The following VTA1 variants were observed in gnomAD, a reference collection of about 807,000 sequenced individuals.
VTA1 encodes vesicle trafficking 1.
In VTA1, 24 loss-of-function variants were observed where a neutral mutation model predicts 36.9. The observed-to-expected ratio is 0.65, with a 90% confidence interval of 0.47 to 0.91. The LOEUF (loss-of-function observed/expected upper bound fraction) is 0.91. Among genes scored for constraint, VTA1 ranks in the 40% least tolerant of loss-of-function variants. VTA1 has a pLI of 0.00. For missense variants in VTA1, 393 were observed against 377.2 expected, an observed-to-expected ratio of 1.04 and a Z score of -0.35; for synonymous variants, 142 against 130.2, an observed-to-expected ratio of 1.09 and a Z score of -0.62.
intron 7 of VTA1, among the ~76,000 whole-genome samples, chr6:142,210,435 GATC>G (rs2114685125): frequency 6.6e-6 from 1 of 152,228 alleles, no homozygotes; most frequent in African/African-American, 2.4e-5. Context: ...AATGGGATTA[GATC>G]CAGCTAAAAT....
chr6:142,198,776 T>C, intron 6 of VTA1, 161 bp downstream of exon 6: 1 of 627,670 alleles, frequency 1.6e-6, no homozygotes, highest in Non-Finnish European at 2.5e-6. Flanking sequence ...TTCATTAAAA[T>C]TTTAATATTA....
chr6:142,164,339 G>T (rs1055913123), intron 1 of VTA1, among the ~76,000 whole-genome samples: 1 of 151,966 alleles, frequency 6.6e-6, no homozygotes, highest in African/African-American at 2.4e-5. Flanking sequence ...AGTGCACTAC[G>T]CTGGTAGTGC....
Position 142,224,016 on chromosome 6 carries a change from C to CTTCAGAA in VTA1, c.*5378_*5384dup, listed in dbSNP as rs1344273520. ...AATGTGTTATGACTAAATTGTATCC[C>CTTCAGAA]TTCAGAATTCATATTTTGAAGCACT... On this transcript the variant is annotated 3_prime_UTR_variant, in exon 8 of 8. Transcript: ENST00000367630. 6.6e-6 allele frequency: 1 copy of CTTCAGAA among 152,160 alleles called. No individual in the cohort carries two copies. The highest frequency in any genetic ancestry group is 2.4e-5 in the African/African-American group (1 of 41,438). 9.4% of individuals were successfully genotyped at this position (152,160 alleles called of 1,614,324 possible).
At chr6:142,169,512 G>A in intron 2 of VTA1, 38 bp from the exon 3 acceptor site, 1 of 1,590,258 alleles carries the variant, frequency 6.3e-7, no homozygotes, top group Non-Finnish European at 8.5e-7. Flanking sequence ...ACTTCTGAGA[G>A]TCCAAAATCA....
intron 5 of VTA1, among the ~76,000 whole-genome samples, chr6:142,193,018 C>CA (rs1775482994): frequency 6.6e-6 from 1 of 152,006 alleles, no homozygotes; most frequent in Non-Finnish European, 1.5e-5. Flanking sequence ...GCAGTTGACT[C>CA]AGTAATACCC....
At chr6:142,204,118 T>A (rs1250339931) in intron 7 of VTA1, 53 bp downstream of exon 7, 1 of 1,521,654 alleles carries the variant, frequency 6.6e-7, no homozygotes, top group Admixed American at 1.7e-5. Flanking sequence ...TTTGGGTTGC[T>A]GTTTTGTAAT....
rs780000313 is a variant in VTA1, at chr6:142,186,728, G to T, written c.412-2698G>T. Among the ~76,000 whole-genome samples, 30 of 152,016 alleles carry T rather than the reference G, an allele frequency of 2.0e-4. 1 individual carries two copies. Among genetic ancestry groups the T allele is most frequent in the Admixed American group, 1.9e-3 (29 of 15,266 alleles). Reference sequence around the variant, plus strand: ...TCCAAGTGGTGATGTCACATAGTCGGGTATTTGTCAAAGCAGATTCTGGCT... The same window carrying T: ...TCCAAGTGGTGATGTCACATAGTCGTGTATTTGTCAAAGCAGATTCTGGCT... On this transcript the variant is annotated intron_variant, in intron 4 of 7. Coordinates refer to ENST00000367630, the MANE Select transcript of VTA1 (RefSeq NM_016485.5).
At chr6:142,196,924 C>G (rs17071523) in intron 5 of VTA1, among the ~76,000 whole-genome samples, 2,007 of 152,136 alleles carry the variant, frequency 0.013, 53 homozygotes, top group African/African-American at 0.046. Flanking sequence ...CCAGGGCCCC[C>G]TAGAGTCTTA....
chr6:142,172,518 A>G (rs1775047074), intron 4 of VTA1, among the ~76,000 whole-genome samples: 1 of 152,218 alleles, frequency 6.6e-6, no homozygotes, highest in Non-Finnish European at 1.5e-5. Context: ...ATACAGAGTC[A>G]TATAAAGGAG....
intron 4 of VTA1, among the ~76,000 whole-genome samples, chr6:142,182,711 C>G (rs759645969): frequency 6.6e-6 from 1 of 152,066 alleles, no homozygotes; most frequent in Non-Finnish European, 1.5e-5. Flanking sequence ...TGGTTTTGAA[C>G]TTGGAGGAGC....
intron 1 of VTA1, among the ~76,000 whole-genome samples, chr6:142,158,592 C>G (rs1490239174): frequency 1.3e-5 from 2 of 152,102 alleles, no homozygotes; most frequent in African/African-American, 2.4e-5. Flanking sequence ...TTATAACAAC[C>G]TCTACCTTTT....
rs1280416861 is a variant in VTA1, at chr6:142,223,715, A to T, written c.*5072A>T. ...AAATATTAATATGTATTGAGCATCT[A>T]CCATCAAATATTTAATATGATAATG... On this transcript the variant is annotated 3_prime_UTR_variant, in exon 8 of 8. Coordinates refer to ENST00000367630, the MANE Select transcript of VTA1 (RefSeq NM_016485.5). The T allele has an allele frequency of 3.9e-5, 6 of 152,148 alleles. No individual in the cohort carries two copies. The highest frequency in any genetic ancestry group is 7.3e-5 in the Non-Finnish European group (5 of 68,040). The allele number at this position is 152,148 out of a possible 1,614,324, so 9.4% of individuals were successfully genotyped here. A position where few individuals can be genotyped will look rare whatever the true frequency, so the allele number is the denominator to read the frequency against.
At chr6:142,204,874 G>A (rs1188805082) in intron 7 of VTA1, among the ~76,000 whole-genome samples, 8 of 150,266 alleles carry the variant, frequency 5.3e-5, no homozygotes, top group Non-Finnish European at 1.0e-4. Flanking sequence ...ACAGGTGTGC[G>A]CCACCACACC....
rs1776088960 is a variant in VTA1 at position 142,220,512 on chromosome 6, A to G, written c.*1869A>G. The G allele has an allele frequency of 6.6e-6, 1 of 152,218 alleles. No homozygotes were observed. Among genetic ancestry groups the G allele is most frequent in the Non-Finnish European group, 1.5e-5 (1 of 68,054 alleles). 9.4% of individuals were successfully genotyped at this position (152,218 alleles called of 1,614,324 possible). A position where few individuals can be genotyped will look rare whatever the true frequency, so the allele number is the denominator to read the frequency against. On this transcript the variant is annotated 3_prime_UTR_variant, in exon 8 of 8. Coordinates refer to ENST00000367630, the MANE Select transcript of VTA1 (RefSeq NM_016485.5). ...CACCACTAGCCATCTCAATAGTTAC[A>G]AGAATTAAAAGAGATACAGTACCTG...
At chr6:142,186,085 T>G (rs1775333895) in intron 4 of VTA1, among the ~76,000 whole-genome samples, 1 of 152,176 alleles carries the variant, frequency 6.6e-6, no homozygotes, top group Non-Finnish European at 1.5e-5. Flanking sequence ...GTCTGACCTT[T>G]GATTGGGAAC....
At chr6:142,185,765 A>G (rs1301155009) in intron 4 of VTA1, among the ~76,000 whole-genome samples, 1 of 152,210 alleles carries the variant, frequency 6.6e-6, no homozygotes, top group Non-Finnish European at 1.5e-5. Context: ...AACGTAACAG[A>G]ACTTCCTAAA....
At chr6:142,166,626 T>C (rs1293349181) in intron 2 of VTA1, among the ~76,000 whole-genome samples, 1 of 152,040 alleles carries the variant, frequency 6.6e-6, no homozygotes, top group Non-Finnish European at 1.5e-5. Context: ...TTTTTTTTTT[T>C]TAAGTTGAGA....
chr6:142,147,293 C>T lies in VTA1; in HGVS notation c.6C>T (p.Ala2=), dbSNP rs774098368. 1.8e-5 allele frequency: 29 copies of T among 1,614,162 alleles called. No individual in the cohort carries two copies. The Middle Eastern group carries it at 9.9e-4, about 55-fold the overall frequency. M[A]ALAPLPPLPA... ...GTGGTGAGTTCGGAGTAGAGATGGC[C>T]GCGCTTGCACCGCTGCCCCCGCTCC... Residue 2 remains alanine (A), a synonymous_variant, in exon 1 of 8, where the codon GCC becomes GCT. Coordinates refer to ENST00000367630, the MANE Select transcript of VTA1 (RefSeq NM_016485.5).
chr6:142,197,804 G>T (rs1775582399), intron 5 of VTA1, among the ~76,000 whole-genome samples: 1 of 151,934 alleles, frequency 6.6e-6, no homozygotes, highest in African/African-American at 2.4e-5. Flanking sequence ...TCTGGGTGTG[G>T]TGGCTCACGC....
Sources: allele counts gnomAD v4.1 joint callset (sites outside exome capture counted in the v4.1 genomes callset), GRCh38; gene constraint gnomAD v4.1.1; transcripts MANE v1.5; gene names NCBI Gene and HGNC (gene_info 2026-07-23, HGNC 2026-07-21).